The following ARHGEF7 variants were observed in gnomAD, a reference collection of about 807,000 sequenced individuals.
ARHGEF7 encodes the protein PAK-interacting exchange factor beta.
Under a neutral mutation model 109.8 loss-of-function variants are expected in ARHGEF7, and 33 were observed. The observed-to-expected ratio is 0.30, with a 90% confidence interval of 0.23 to 0.40. The LOEUF is 0.40. ARHGEF7 is among the 10% of genes least tolerant of loss of function. The pLI is 1.00. For synonymous variants in ARHGEF7, 458 were observed against 424.6 expected, an observed-to-expected ratio of 1.08 and a Z score of -0.97; for missense variants, 938 against 1,098.5, an observed-to-expected ratio of 0.85 and a Z score of 2.07.
At chr13:111,208,064 G>A (rs1189289069) in intron 3 of ARHGEF7, among the ~76,000 whole-genome samples, 1 of 152,200 alleles carries the variant, frequency 6.6e-6, no homozygotes, top group African/African-American at 2.4e-5. Context: ...TTTTGAGACA[G>A]AGTTTCGTTC....
At chr13:111,205,419 G>C in intron 3 of ARHGEF7, 46 bp downstream of exon 3, 1 of 1,362,736 alleles carries the variant, frequency 7.3e-7, no homozygotes. Context: ...AAGACATACG[G>C]GCTGACACCT....
Position 111,153,930 on chromosome 13 carries a change from G to C in ARHGEF7, c.191G>C (p.Ser64Thr). ...GTCTACCCCGAGCCCCGGAGCGAGA[G>C]CGAGTGCCTGAGCAACATCCGCGAG... ...EKVYPEPRSE[S>T]ECLSNIREFL... is the part of the protein sequence containing the mutation. Residue 64 changes from serine to threonine, a missense_variant, in exon 2 of 22, where the codon AGC becomes ACC. Ser to Thr is a moderately conservative substitution (Grantham distance 58). Transcript: ENST00000646102. 6.2e-7 allele frequency: 1 copy of C among 1,605,706 alleles called. No homozygotes were observed.
chr13:111,116,023 C>T (rs924899405), intron 1 of ARHGEF7, among the ~76,000 whole-genome samples: 1 of 152,106 alleles, frequency 6.6e-6, no homozygotes, highest in Non-Finnish European at 1.5e-5. Flanking sequence ...GGGGCCGGCC[C>T]CGCTCCCTGG....
At chr13:111,116,489 GGAGAGTTTCTAAAAAC>G (rs2066792996) in intron 1 of ARHGEF7, 1 of 148,882 alleles carries the variant, frequency 6.7e-6, no homozygotes, top group Non-Finnish European at 1.5e-5. Flanking sequence ...CGAGGAGGCA[GGAGAGTTTCTAAAAAC>G]GATGTCTCCC....
In ARHGEF7 at chr13:111,145,125, A is replaced by G. The variant is rs1325096771; in HGVS notation, c.166-8780A>G. On this transcript the variant is annotated intron_variant, in intron 1 of 21. Transcript: ENST00000646102. This position sits in a 1 kb window ranked among gnomAD's most constrained non-coding sequence, Gnocchi z 4.3. ...AAACATAACTTGGAGATTGTGACAT[A>G]TCAGGATATAAAGCTGCCCCTTTTT... 6.6e-6 allele frequency among the ~76,000 whole-genome samples: 1 copy of G among 152,070 alleles called. No individual in the cohort carries two copies. The highest frequency in any genetic ancestry group is 1.5e-5 in the Non-Finnish European group (1 of 68,028).
intron 2 of ARHGEF7, among the ~76,000 whole-genome samples, chr13:111,169,574 A>G (rs535476742): frequency 1.6e-4 from 25 of 152,288 alleles, no homozygotes; most frequent in Admixed American, 1.6e-3. Context: ...CCCACCTCCA[A>G]CATTGGGGAT....
chr13:111,217,626 T>G, intron 4 of ARHGEF7, 53 bp from the exon 5 acceptor site: 1 of 1,464,898 alleles, frequency 6.8e-7, no homozygotes, highest in Non-Finnish European at 9.5e-7. Flanking sequence ...CATTTTATAA[T>G]GAAGTAGACT....
chr13:111,235,319 T>A (rs2086651407), intron 6 of ARHGEF7, among the ~76,000 whole-genome samples: 1 of 152,164 alleles, frequency 6.6e-6, no homozygotes, highest in Admixed American at 6.5e-5. Context: ...TCCTGGTGGG[T>A]TTTTCTTTGC....
At chr13:111,247,376 C>G (rs892666739) in intron 8 of ARHGEF7, among the ~76,000 whole-genome samples, 5 of 151,864 alleles carry the variant, frequency 3.3e-5, no homozygotes, top group African/African-American at 9.7e-5. Context: ...TCAAGTGATT[C>G]TCCTGCCTCA....
At chr13:111,232,348 A>G (rs780428778) in intron 5 of ARHGEF7, among the ~76,000 whole-genome samples, 8 of 152,106 alleles carry the variant, frequency 5.3e-5, no homozygotes, top group Non-Finnish European at 8.8e-5. Flanking sequence ...ACCACCCCAT[A>G]GAACTATGGA....
At chr13:111,191,164 G>A (rs1018432442) in intron 2 of ARHGEF7, among the ~76,000 whole-genome samples, 1 of 152,000 alleles carries the variant, frequency 6.6e-6, no homozygotes. Flanking sequence ...TGATTTTGGG[G>A]GGCCCTGAGA....
chr13:111,303,126 GTTCT>G lies in ARHGEF7; in HGVS notation c.*18_*21del. Reference sequence around the variant, plus strand: ...GACCAATCTATAAGGGATGTCCTCAGTTCTTTCTGTTGAAGACCAGTTCTGAGGT... The same window carrying G: ...GACCAATCTATAAGGGATGTCCTCAGTTCTGTTGAAGACCAGTTCTGAGGT... On this transcript the variant is annotated 3_prime_UTR_variant, in exon 22 of 22. Transcript: ENST00000646102. 1 of 1,523,314 alleles carries G rather than the reference GTTCT, an allele frequency of 6.6e-7. No homozygotes were observed. The highest frequency in any genetic ancestry group is 8.9e-7 in the Non-Finnish European group (1 of 1,124,992). The allele number at this position is 1,523,314 out of a possible 1,614,324, so 94.4% of individuals were successfully genotyped here.
intron 7 of ARHGEF7, 54 bp from the exon 8 acceptor site, chr13:111,244,145 A>C: frequency 7.1e-7 from 1 of 1,399,098 alleles, no homozygotes; most frequent in Non-Finnish European, 9.9e-7. Flanking sequence ...GCAAAGGAGA[A>C]GAATATAAAT....
chr13:111,236,168 G>A (rs1206923083), intron 6 of ARHGEF7, among the ~76,000 whole-genome samples: 2 of 152,106 alleles, frequency 1.3e-5, no homozygotes, highest in Non-Finnish European at 2.9e-5. Flanking sequence ...CTCCTTCTGG[G>A]ACTCCTGTGG....
At chr13:111,242,608 G>A (rs966496867) in intron 6 of ARHGEF7, among the ~76,000 whole-genome samples, 2 of 152,242 alleles carry the variant, frequency 1.3e-5, no homozygotes, top group Middle Eastern at 3.4e-3. Context: ...TAACAGACTC[G>A]GGTGAAAAAG....
rs1030456828 is a variant in ARHGEF7, at chr13:111,282,851, A to G, written c.1726-288A>G. The G allele has an allele frequency of 7.6e-6, 4 of 525,452 alleles. No homozygotes were observed. In the South Asian group the frequency reaches 1.1e-4, roughly 15 times the overall value. 32.5% of individuals were successfully genotyped at this position (525,452 alleles called of 1,614,324 possible). On this transcript the variant is annotated intron_variant, in intron 15 of 21. Coordinates refer to ENST00000646102, the MANE Select transcript of ARHGEF7 (RefSeq NM_001354046.2). ...TATAAATGTTACTCCGTAGCTAATA[A>G]ATGTGGCTAGTGGATGTCTTTTGAG...
chr13:111,219,612 A>G (rs1452505932), intron 5 of ARHGEF7, among the ~76,000 whole-genome samples: 2 of 149,564 alleles, frequency 1.3e-5, no homozygotes, highest in Admixed American at 6.7e-5. Context: ...AGCAGTGCAC[A>G]GGGTTCTGCT....
chr13:111,237,729 A>C (rs2087027797), intron 6 of ARHGEF7, among the ~76,000 whole-genome samples: 1 of 152,276 alleles, frequency 6.6e-6, no homozygotes, highest in African/African-American at 2.4e-5. Flanking sequence ...ATGAGGCTTT[A>C]AAAATACAAA....
intron 2 of ARHGEF7, among the ~76,000 whole-genome samples, chr13:111,171,272 T>G (rs564042719): frequency 3.3e-5 from 5 of 152,204 alleles, no homozygotes; most frequent in Admixed American, 3.3e-4. Flanking sequence ...GAGCTGGCAC[T>G]GTTGTAACCA....
Sources: allele counts gnomAD v4.1 joint callset (sites outside exome capture counted in the v4.1 genomes callset), GRCh38; gene constraint gnomAD v4.1.1; non-coding constraint Gnocchi (gnomAD v3.1); transcripts MANE v1.5; gene names NCBI Gene and HGNC (gene_info 2026-07-23, HGNC 2026-07-21).